The following CDKAL1 variants were observed in gnomAD, a reference collection of about 807,000 sequenced individuals.
CDKAL1 encodes the protein threonylcarbamoyladenosine tRNA methylthiotransferase.
CDKAL1 carries 32 observed loss-of-function variants against 68.2 expected under a neutral mutation model. The observed-to-expected ratio is 0.47, with a 90% CI of 0.35 to 0.63. The LOEUF is 0.63. Among genes scored for constraint, CDKAL1 ranks in the 30% least tolerant of loss-of-function variants. CDKAL1 has a pLI of 0.00. For missense variants in CDKAL1, 606 were observed against 696.7 expected (o/e 0.87, Z 1.47); for synonymous variants, 234 against 244.3 (o/e 0.96, Z 0.39).
At chr6:21,177,538 G>A (rs984344811) in intron 13 of CDKAL1, among the ~76,000 whole-genome samples, 2 of 152,070 alleles carry the variant, frequency 1.3e-5, no homozygotes, top group African/African-American at 4.8e-5. Context: ...TACTAAAAAT[G>A]AATACATTAA....
chr6:21,025,344 T>G (rs1262625616), intron 11 of CDKAL1, among the ~76,000 whole-genome samples: 2 of 152,222 alleles, frequency 1.3e-5, no homozygotes, highest in African/African-American at 4.8e-5. Flanking sequence ...CTTTGCTGTA[T>G]GTTTCAGTTA....
At chr6:20,704,750 A>G (rs1352666219) in intron 5 of CDKAL1, among the ~76,000 whole-genome samples, 2 of 152,226 alleles carry the variant, frequency 1.3e-5, no homozygotes, top group African/African-American at 4.8e-5. Flanking sequence ...TTGTTTCTCA[A>G]ATTAAATCCC....
At chr6:21,070,222 A>G (rs908405726) in intron 12 of CDKAL1, among the ~76,000 whole-genome samples, 1 of 152,172 alleles carries the variant, frequency 6.6e-6, no homozygotes, top group African/African-American at 2.4e-5. Context: ...GAAAGATAGC[A>G]CATGTGTACA....
intron 5 of CDKAL1, among the ~76,000 whole-genome samples, chr6:20,736,973 C>T (rs1360604642): frequency 6.6e-6 from 1 of 152,182 alleles, no homozygotes; most frequent in African/African-American, 2.4e-5. Flanking sequence ...GCCACCAAAA[C>T]TTAAGAGATT....
intron 13 of CDKAL1, among the ~76,000 whole-genome samples, chr6:21,178,638 C>T (rs568443559): frequency 6.6e-6 from 1 of 152,172 alleles, no homozygotes; most frequent in African/African-American, 2.4e-5. Context: ...ATGATCCCCC[C>T]ACAAAAGTTT....
At chr6:21,108,924 G>A (rs143602348) in intron 13 of CDKAL1, among the ~76,000 whole-genome samples, 3 of 152,242 alleles carry the variant, frequency 2.0e-5, no homozygotes, top group East Asian at 1.9e-4. Flanking sequence ...TCTACTGCCT[G>A]GAGCTTTGCT....
chr6:20,874,793 G>A (rs1329346414), intron 9 of CDKAL1, among the ~76,000 whole-genome samples: 1 of 151,644 alleles, frequency 6.6e-6, no homozygotes, highest in Non-Finnish European at 1.5e-5. Flanking sequence ...ATGAGCCACC[G>A]TGCCAGGCCA....
intron 4 of CDKAL1, among the ~76,000 whole-genome samples, chr6:20,648,649 A>G (rs1431808676): frequency 6.6e-6 from 1 of 152,176 alleles, no homozygotes; most frequent in Non-Finnish European, 1.5e-5. Context: ...CTTTATGGTA[A>G]TCCTATTTTA....
intron 5 of CDKAL1, among the ~76,000 whole-genome samples, chr6:20,658,375 G>A (rs1024598992): frequency 6.6e-6 from 1 of 152,166 alleles, no homozygotes; most frequent in Non-Finnish European, 1.5e-5. Context: ...GATGGCTTAG[G>A]TATCTGAATG....
intron 4 of CDKAL1, among the ~76,000 whole-genome samples, chr6:20,587,148 C>T (rs1009785359): frequency 8.6e-5 from 13 of 151,680 alleles, no homozygotes; most frequent in Admixed American, 2.0e-4. Flanking sequence ...CACCACGCCC[C>T]GCTAATTTTT....
chr6:20,936,966 C>T (rs1243314274), intron 9 of CDKAL1, among the ~76,000 whole-genome samples: 2 of 152,136 alleles, frequency 1.3e-5, no homozygotes, highest in Non-Finnish European at 2.9e-5. Flanking sequence ...CCTGATAACC[C>T]GTACTCTGCC....
intron 6 of CDKAL1, among the ~76,000 whole-genome samples, chr6:20,750,054 T>G (rs976078971): frequency 6.6e-6 from 1 of 152,032 alleles, no homozygotes; most frequent in Admixed American, 6.6e-5. Flanking sequence ...AAATGAAAAT[T>G]TTCCATTATT....
At chr6:21,041,585 A>G (rs1448590401) in intron 11 of CDKAL1, among the ~76,000 whole-genome samples, 1 of 150,384 alleles carries the variant, frequency 6.6e-6, no homozygotes, top group Non-Finnish European at 1.5e-5. Context: ...TTTTTTTTTC[A>G]ATGTTACTCT....
At chr6:20,765,837 T>G (rs1290617693) in intron 7 of CDKAL1, among the ~76,000 whole-genome samples, 1 of 152,212 alleles carries the variant, frequency 6.6e-6, no homozygotes, top group African/African-American at 2.4e-5. Context: ...ACTTTATAAC[T>G]GTATTGGCCA....
chr6:21,170,793 G>GT (rs1270703280), intron 13 of CDKAL1, among the ~76,000 whole-genome samples: 1 of 152,160 alleles, frequency 6.6e-6, no homozygotes, highest in Non-Finnish European at 1.5e-5. Context: ...GAGGAAGACA[G>GT]TAAGTACCCT....
intron 12 of CDKAL1, among the ~76,000 whole-genome samples, chr6:21,086,552 C>A (rs1451261879): frequency 6.6e-6 from 1 of 152,162 alleles, no homozygotes; most frequent in Non-Finnish European, 1.5e-5. Context: ...TAGGCGAACA[C>A]CGAAGTCCTG....
At chr6:20,812,918 C>T (rs1169419323) in intron 8 of CDKAL1, among the ~76,000 whole-genome samples, 3 of 152,018 alleles carry the variant, frequency 2.0e-5, no homozygotes, top group Non-Finnish European at 4.4e-5. Context: ...ATTGGTTGTA[C>T]CATTTTATAT....
At chr6:20,666,669 C>T (rs1020767968) in intron 5 of CDKAL1, among the ~76,000 whole-genome samples, 6 of 148,764 alleles carry the variant, frequency 4.0e-5, no homozygotes, top group South Asian at 4.3e-4. Context: ...GCTGATCGCC[C>T]GCTGCATTCC....
intron 13 of CDKAL1, among the ~76,000 whole-genome samples, chr6:21,141,187 G>A (rs1775890662): frequency 6.6e-6 from 1 of 152,152 alleles, no homozygotes. Context: ...TCCTTACTGA[G>A]CTACTTCGTT....
Sources: allele counts gnomAD v4.1 joint callset (sites outside exome capture counted in the v4.1 genomes callset), GRCh38; gene constraint gnomAD v4.1.1; transcripts MANE v1.5; gene names NCBI Gene and HGNC (gene_info 2026-07-23, HGNC 2026-07-21).